VSIR: variants seen among roughly 807,000 people sequenced by gnomAD.
VSIR encodes the protein V-type immunoglobulin domain-containing suppressor of T-cell activation.
In VSIR, 10 loss-of-function variants were observed where a neutral mutation model predicts 31.0. That is an observed-to-expected ratio of 0.32 (90% confidence interval 0.20 to 0.55). The LOEUF is 0.55. Among genes scored for constraint, VSIR ranks in the 20% least tolerant of loss-of-function variants. The pLI, the probability that VSIR is intolerant of heterozygous loss-of-function variation, is 0.93. For synonymous variants in VSIR, 179 were observed against 180.1 expected (o/e 0.99, Z 0.05); for missense variants, 356 against 416.2 (o/e 0.86, Z 1.26).
chr10:71,766,518 C>T (rs532355972), intron 1 of VSIR, among the ~76,000 whole-genome samples: 3 of 152,186 alleles, frequency 2.0e-5, no homozygotes, highest in Non-Finnish European at 4.4e-5. Context: ...CATTGTGTGC[C>T]CTTGGGCAGA....
At chr10:71,773,256 C>A (rs1840728127) in intron 1 of VSIR, 102 bp downstream of exon 1, 11 of 1,340,478 alleles carry the variant, frequency 8.2e-6, no homozygotes, top group African/African-American at 7.5e-5. Flanking sequence ...CACGGTCACA[C>A]AGGCTGAGAG....
intron 3 of VSIR, among the ~76,000 whole-genome samples, chr10:71,759,236 C>T (rs1288386838): frequency 1.3e-5 from 2 of 151,676 alleles, no homozygotes; most frequent in African/African-American, 4.8e-5. Flanking sequence ...TGGGGTTTCA[C>T]CCTGTTGGCC....
chr10:71,760,863 C>T lies in VSIR; in HGVS notation c.568+5G>A. ...CCCAAAAGGGGCAAGAGGTTGGTCC[C>T]TTACTTTCACTATCCTGGGAGGAGG... On this transcript the variant is annotated splice_donor_5th_base_variant and intron_variant, in intron 3 of 6. Coordinates refer to ENST00000394957, the MANE Select transcript of VSIR (RefSeq NM_022153.2). 6.2e-7 allele frequency: 1 copy of T among 1,613,098 alleles called. No individual in the cohort carries two copies. Among genetic ancestry groups the T allele is most frequent in the Non-Finnish European group, 8.5e-7 (1 of 1,179,122 alleles).
In VSIR at chr10:71,751,557, C is replaced by T. The variant is rs1393542874; in HGVS notation, c.898+111G>A. 5 of 1,219,288 alleles carry T rather than the reference C, an allele frequency of 4.1e-6. No homozygotes were observed. The East Asian group carries it at 7.8e-5, about 19-fold the overall frequency. 75.5% of individuals were successfully genotyped at this position (1,219,288 alleles called of 1,614,324 possible). ...CTGTCCCTCACCCTCAACCCCACCC[C>T]GTGAGGCCGTGGAACTCTTCAGGGA... On this transcript the variant is annotated intron_variant, in intron 6 of 6. Coordinates refer to ENST00000394957, the MANE Select transcript of VSIR (RefSeq NM_022153.2). This position sits in a 1 kb window ranked among gnomAD's most constrained non-coding sequence, Gnocchi z 4.9.
Position 71,749,463 on chromosome 10 carries a change from T to G in VSIR, c.*1790A>C, listed in dbSNP as rs1316036083. The stretch of plus-strand genomic sequence containing the variant: ...CTGGGAGGACAGGTGTGTGCCACCA[T>G]GGCCAGCCAGCACCCTCTTCCTATG... On this transcript the variant is annotated 3_prime_UTR_variant, in exon 7 of 7. Transcript: ENST00000394957. 1 of 152,274 alleles carries G rather than the reference T, an allele frequency of 6.6e-6. No individual in the cohort carries two copies. The highest frequency in any genetic ancestry group is 2.4e-5 in the African/African-American group (1 of 41,440). The allele number at this position is 152,274 out of a possible 1,614,324, so 9.4% of individuals were successfully genotyped here. A position where few individuals can be genotyped will look rare whatever the true frequency, so the allele number is the denominator to read the frequency against.
Position 71,751,748 on chromosome 10 carries a change from T to A in VSIR, c.818A>T (p.Glu273Val). 6.2e-7 allele frequency: 1 copy of A among 1,601,440 alleles called. No homozygotes were observed. Among genetic ancestry groups the A allele is most frequent in the Non-Finnish European group, 8.5e-7 (1 of 1,173,638 alleles). The change falls in exon 6 of 7, where the codon GAG (glutamate) becomes GTG (valine). Residue 273 changes from glutamate to valine, a missense_variant. Transcript: ENST00000394957. This position sits in a 1 kb window ranked among gnomAD's most constrained non-coding sequence, Gnocchi z 4.9. ...LSYVAQRQPS[E>V]SGRHLLSEPS... ...CTCCGAAAGCAGATGCCGCCCAGAC[T>A]CAGAAGGCTGCCGCTGGGCCACATA... is the stretch of plus-strand genomic sequence containing the variant.
intron 3 of VSIR, among the ~76,000 whole-genome samples, chr10:71,759,982 T>TAC: frequency 1.6e-5 from 1 of 64,502 alleles, no homozygotes; most frequent in African/African-American, 4.6e-5. Context: ...CACACACACA[T>TAC]ATATATACAC....
chr10:71,768,075 G>T (rs3747863), intron 1 of VSIR, among the ~76,000 whole-genome samples: 1 of 152,226 alleles, frequency 6.6e-6, no homozygotes, highest in African/African-American at 2.4e-5. Flanking sequence ...CTGTGAAGAC[G>T]TCCTCAGGGT....
At chr10:71,754,230 G>C (rs550606129) in intron 4 of VSIR, among the ~76,000 whole-genome samples, 1 of 152,280 alleles carries the variant, frequency 6.6e-6, no homozygotes, top group East Asian at 1.9e-4. Flanking sequence ...TATTCCTGCA[G>C]GTAGGTTGTG....
Position 71,751,911 on chromosome 10 carries a change from C to A in VSIR, c.705-50G>T, listed in dbSNP as rs140530381. The A allele has an allele frequency of 1.9e-3, 2,958 of 1,520,196 alleles. 20 individuals are homozygous for A. Among genetic ancestry groups the A allele is most frequent in the South Asian group, 4.9e-3 (389 of 79,508 alleles). 94.2% of individuals were successfully genotyped at this position (1,520,196 alleles called of 1,614,324 possible). A position where few individuals can be genotyped will look rare whatever the true frequency, so the allele number is the denominator to read the frequency against. ...TCATCTGTGCTGTCCGGAGCGTGAACTCTGCCCTCCCTGCCCCCAGTTTTT... is the reference window on the plus strand; with the variant it reads ...TCATCTGTGCTGTCCGGAGCGTGAAATCTGCCCTCCCTGCCCCCAGTTTTT... On this transcript the variant is annotated intron_variant, in intron 5 of 6. Coordinates refer to ENST00000394957, the MANE Select transcript of VSIR (RefSeq NM_022153.2). This position sits in a 1 kb window ranked among gnomAD's most constrained non-coding sequence, Gnocchi z 4.9.
At chr10:71,759,339 C>T (rs1589402411) in intron 3 of VSIR, among the ~76,000 whole-genome samples, 1 of 151,488 alleles carries the variant, frequency 6.6e-6, no homozygotes, top group Admixed American at 6.6e-5. Flanking sequence ...CACCTAACCC[C>T]AAAAATAATT....
In VSIR at chr10:71,759,854, C is replaced by CACACACACACATATATATAT. The variant is rs1564779164; in HGVS notation, c.568+1013_568+1014insATATATATATGTGTGTGTGT. ...ACACACACACACACACACATATACA[C>CACACACACACATATATATAT]ACACACACACATATATATACACACA... On this transcript the variant is annotated intron_variant, in intron 3 of 6. Transcript: ENST00000394957. 2.0e-4 allele frequency among the ~76,000 whole-genome samples: 22 copies of CACACACACACATATATATAT among 109,312 alleles called. 6 individuals are homozygous for CACACACACACATATATATAT. The East Asian group carries it at 3.5e-3, about 17-fold the overall frequency. The allele number at this position is 109,312 out of a possible 152,430, so 71.7% of individuals were successfully genotyped here.
At chr10:71,752,486 C>A (rs1271849221) in intron 5 of VSIR, among the ~76,000 whole-genome samples, 3 of 152,208 alleles carry the variant, frequency 2.0e-5, no homozygotes, top group South Asian at 2.1e-4. Flanking sequence ...GCTTCCTGCC[C>A]AGAGCACACC....
intron 3 of VSIR, among the ~76,000 whole-genome samples, chr10:71,759,928 CACAT>C (rs1347213445): frequency 0.032 from 2,683 of 83,216 alleles, 729 homozygotes; most frequent in African/African-American, 0.092. Flanking sequence ...TATACACACA[CACAT>C]ATATACACAC....
chr10:71,753,028 G>A (rs1465109328), intron 4 of VSIR, 26 bp from the exon 5 acceptor site: 1 of 1,610,118 alleles, frequency 6.2e-7, no homozygotes, highest in Admixed American at 1.7e-5. Flanking sequence ...CAGAGAAGCT[G>A]GTCATGGAAG....
At chr10:71,767,375 G>A (rs1049616270) in intron 1 of VSIR, among the ~76,000 whole-genome samples, 3 of 152,312 alleles carry the variant, frequency 2.0e-5, no homozygotes, top group Admixed American at 1.3e-4. Context: ...GGCCTAGGAA[G>A]CCCCACCCAA....
Position 71,773,488 on chromosome 10 carries a change from G to C in VSIR, c.-49C>G, listed in dbSNP as rs767614579. On this transcript the variant is annotated 5_prime_UTR_variant, in exon 1 of 7. Transcript: ENST00000394957. The stretch of plus-strand genomic sequence containing the variant: ...ACTTCTGGTGCCGGGGAGCGGGCGG[G>C]ACGCGGCCGGCGCGGGGAAGCCTCC... 8.5e-6 allele frequency: 13 copies of C among 1,535,394 alleles called. No homozygotes were observed. The highest frequency in any genetic ancestry group is 8.8e-6 in the Non-Finnish European group (10 of 1,132,064).
In VSIR at chr10:71,748,283, G is replaced by A. The variant is rs1839904304; in HGVS notation, c.*2970C>T. On this transcript the variant is annotated 3_prime_UTR_variant, in exon 7 of 7. Coordinates refer to ENST00000394957, the MANE Select transcript of VSIR (RefSeq NM_022153.2). ...TGCCCTGGGCCACTGCATGTAGTGG[G>A]AGCTCTGGTCAGGCAGAAGTCTTTT... 6.6e-6 allele frequency: 1 copy of A among 152,420 alleles called. No individual in the cohort carries two copies. Among genetic ancestry groups the A allele is most frequent in the Non-Finnish European group, 1.5e-5 (1 of 68,182 alleles). The allele number at this position is 152,420 out of a possible 1,614,324, so 9.4% of individuals were successfully genotyped here.
chr10:71,760,591 C>A, intron 3 of VSIR: 1 of 405,822 alleles, frequency 2.5e-6, no homozygotes. Flanking sequence ...CAGTACCTGT[C>A]ATGAGGCACT....
Sources: gnomAD v4.1 joint callset for allele counts (sites outside exome capture counted in the v4.1 genomes callset) on GRCh38, gnomAD v4.1.1 for gene constraint, Gnocchi (gnomAD v3.1) non-coding constraint, MANE v1.5 for transcripts, NCBI Gene and HGNC (gene_info 2026-07-23, HGNC 2026-07-21) for gene names.